Variants in MIA2 observed in about 807,000 individuals in gnomAD.
The protein encoded by MIA2 is MIA SH3 domain ER export factor 2, also known as melanoma inhibitory activity protein 2.
MIA2 carries 127 observed loss-of-function variants against 167.8 expected under a neutral mutation model. The ratio of observed to expected loss-of-function variants is 0.76; its 90% CI spans 0.66 to 0.88. The LOEUF (loss-of-function observed/expected upper bound fraction) is 0.88, where lower values mean the gene tolerates loss of function less well. Ranked by LOEUF, MIA2 falls within the 40% of genes least tolerant of loss-of-function variation. MIA2 has a pLI of 0.00. For synonymous variants in MIA2, 552 were observed against 541.9 expected (o/e 1.02, Z -0.26); for missense variants, 1,690 against 1,624.7 (o/e 1.04, Z -0.69).
At chr14:39,345,829 G>A (rs2073114542) in intron 25 of MIA2, 75 bp from the exon 26 acceptor site, 4 of 1,301,738 alleles carry the variant, frequency 3.1e-6, no homozygotes, top group Non-Finnish European at 4.3e-6. Flanking sequence ...AAAAGTGTAA[G>A]TTCAATACGT....
At chr14:39,262,353 G>C (rs561904775) in intron 6 of MIA2, among the ~76,000 whole-genome samples, 6 of 152,246 alleles carry the variant, frequency 3.9e-5, no homozygotes, top group South Asian at 2.1e-4. Context: ...TCTGAGGCCT[G>C]TGTTCTGTTC....
At chr14:39,265,036 A>G (rs1181640871) in intron 6 of MIA2, among the ~76,000 whole-genome samples, 1 of 152,226 alleles carries the variant, frequency 6.6e-6, no homozygotes, top group Non-Finnish European at 1.5e-5. Flanking sequence ...AGGCTATAGA[A>G]TAAAACATTT....
In MIA2 at chr14:39,314,446, T is replaced by TA. The variant is rs530158533; in HGVS notation, c.3120-283dup. 5.9e-3 allele frequency among the ~76,000 whole-genome samples: 851 copies of TA among 144,848 alleles called. 9 individuals are homozygous for TA. The highest frequency in any genetic ancestry group is 0.046 in the Middle Eastern group (13 of 280). ...CTTCTAGGATCATTCTTCTTAAAAA[T>TA]AAAAAAAAAACAACACAATATACCA... On this transcript the variant is annotated intron_variant, in intron 19 of 28. Coordinates refer to ENST00000640607, the MANE Select transcript of MIA2 (RefSeq NM_001329214.4).
rs2066314844 is a variant in MIA2, at chr14:39,321,005, T to C, written c.3445T>C (p.Leu1149=). The C allele has an allele frequency of 1.2e-6, 2 of 1,613,816 alleles. No individual in the cohort carries two copies. Among genetic ancestry groups the C allele is most frequent in the Non-Finnish European group, 8.5e-7 (1 of 1,179,766 alleles). ...TRAFLSPPTL[L]EGPLRLSPLL... Reference sequence around the variant, plus strand: ...AGCTTTTCTCTCTCCTCCAACTTTGTTGGAGGGTCCACTCAGACTCTCACC... The same window carrying C: ...AGCTTTTCTCTCTCCTCCAACTTTGCTGGAGGGTCCACTCAGACTCTCACC... Residue 1149 remains leucine (L), a synonymous_variant, in exon 24 of 29, where the codon TTG becomes CTG. Coordinates refer to ENST00000640607, the MANE Select transcript of MIA2 (RefSeq NM_001329214.4).
intron 9 of MIA2, among the ~76,000 whole-genome samples, chr14:39,284,760 T>TA (rs1491424467): frequency 7.0e-6 from 1 of 142,824 alleles, no homozygotes; most frequent in African/African-American, 2.8e-5. Flanking sequence ...CTTTTTTTTA[T>TA]TTTTTTTTTA....
At chr14:39,250,016 G>A (rs1381138088) in intron 4 of MIA2, among the ~76,000 whole-genome samples, 1 of 152,070 alleles carries the variant, frequency 6.6e-6, no homozygotes, top group Non-Finnish European at 1.5e-5. Flanking sequence ...TGCTTTTTAT[G>A]ACTAAAAAGC....
At chr14:39,347,822 T>C (rs747950474) in intron 27 of MIA2, 51 bp downstream of exon 27, 9 of 1,299,310 alleles carry the variant, frequency 6.9e-6, no homozygotes, top group South Asian at 1.4e-5. Flanking sequence ...AGCCTTCTTT[T>C]TTTTTTTTTT....
intron 25 of MIA2, among the ~76,000 whole-genome samples, chr14:39,344,175 A>G (rs116117976): frequency 0.019 from 2,928 of 152,302 alleles, 86 homozygotes; most frequent in African/African-American, 0.065. Flanking sequence ...TAGTTTATAA[A>G]GTAGTAAATT....
intron 6 of MIA2, chr14:39,267,348 G>A (rs1242694839): frequency 6.4e-7 from 1 of 1,572,712 alleles, no homozygotes; most frequent in Non-Finnish European, 8.6e-7. Flanking sequence ...GTCCACTCCG[G>A]TTGCCGGGTG....
intron 17 of MIA2, among the ~76,000 whole-genome samples, chr14:39,307,502 A>G (rs927416557): frequency 1.5e-4 from 22 of 145,018 alleles, no homozygotes; most frequent in Admixed American, 6.6e-4. Context: ...CCTAGGTTCA[A>G]GCAATTCTCC....
At chr14:39,270,285 T>A (rs1045296472) in intron 6 of MIA2, among the ~76,000 whole-genome samples, 23 of 145,168 alleles carry the variant, frequency 1.6e-4, no homozygotes, top group Non-Finnish European at 9.0e-5. Flanking sequence ...CACTGCAGCC[T>A]CCACCTCCCA....
intron 23 of MIA2, among the ~76,000 whole-genome samples, chr14:39,381,126 T>C (rs1277500552): frequency 6.6e-6 from 1 of 152,152 alleles, no homozygotes; most frequent in East Asian, 1.9e-4. Flanking sequence ...AAACAGAGCT[T>C]CTCCCTAAAA....
At chr14:39,344,674 A>C (rs765440831) in intron 25 of MIA2, among the ~76,000 whole-genome samples, 6 of 152,186 alleles carry the variant, frequency 3.9e-5, no homozygotes, top group African/African-American at 1.2e-4. Flanking sequence ...TATAAAGTCA[A>C]TTAGAGGCAA....
At chr14:39,381,617 G>T (rs1309363427) in intron 23 of MIA2, among the ~76,000 whole-genome samples, 1 of 151,400 alleles carries the variant, frequency 6.6e-6, no homozygotes, top group African/African-American at 2.4e-5. Flanking sequence ...AGGTGGCCTT[G>T]TTACATAAAT....
In MIA2 at chr14:39,308,436, A is replaced by AATTTTT; in HGVS notation, c.2879-10_2879-5dup. 1 of 1,441,556 alleles carries AATTTTT rather than the reference A, an allele frequency of 6.9e-7. No individual in the cohort carries two copies. The allele number at this position is 1,441,556 out of a possible 1,614,324, so 89.3% of individuals were successfully genotyped here. A position where few individuals can be genotyped will look rare whatever the true frequency, so the allele number is the denominator to read the frequency against. On this transcript the variant is annotated splice_polypyrimidine_tract_variant and intron_variant, in intron 17 of 28. Coordinates refer to ENST00000640607, the MANE Select transcript of MIA2 (RefSeq NM_001329214.4). ...TGTTTCTCCTTTAATTATGACTTAA[A>AATTTTT]ATTTTTATATAGAGCATATTAAAAA... is the stretch of plus-strand genomic sequence containing the variant.
chr14:39,267,373 G>T, intron 6 of MIA2: 4 of 1,594,850 alleles, frequency 2.5e-6, no homozygotes, highest in Non-Finnish European at 3.4e-6. Flanking sequence ...TTCGGGTTCC[G>T]GACCGAAGGC....
intron 6 of MIA2, among the ~76,000 whole-genome samples, chr14:39,255,243 C>G (rs1290390664): frequency 6.6e-6 from 1 of 152,146 alleles, no homozygotes; most frequent in Admixed American, 6.5e-5. Flanking sequence ...GGCCTACAGG[C>G]CTGAGTGTAA....
chr14:39,313,899 C>A (rs554182263), intron 19 of MIA2, among the ~76,000 whole-genome samples: 1 of 152,066 alleles, frequency 6.6e-6, no homozygotes, highest in Non-Finnish European at 1.5e-5. Flanking sequence ...TTGATCCTTA[C>A]TAGATCCCAG....
At position 39,327,029 on chromosome 14, in the gene MIA2, A is replaced by G. The variant is rs761154993; in HGVS notation, c.3655+7A>G. ...ATGATGTTTCCTCCGCCAGGTATGT[A>G]AAGACAATAGTTATTATTTCTCTTT... On this transcript the variant is annotated splice_region_variant and intron_variant, in intron 25 of 28. Transcript: ENST00000640607. The G allele has an allele frequency of 2.0e-6, 3 of 1,495,284 alleles. No homozygotes were observed. The highest frequency in any genetic ancestry group is 2.6e-5 in the East Asian group (1 of 39,030). The allele number at this position is 1,495,284 out of a possible 1,614,324, so 92.6% of individuals were successfully genotyped here.
Sources: gnomAD v4.1 joint callset for allele counts (sites outside exome capture counted in the v4.1 genomes callset) on GRCh38, gnomAD v4.1.1 for gene constraint, MANE v1.5 for transcripts, NCBI Gene and HGNC (gene_info 2026-07-23, HGNC 2026-07-21) for gene names.